Variants in MACC1 observed in about 807,000 individuals in gnomAD.
MACC1 encodes metastasis-associated in colon cancer protein 1.
A neutral mutation model predicts 70.7 loss-of-function variants in MACC1; 79 were observed. The observed-to-expected ratio is 1.12, with a 90% CI of 0.93 to 1.35. The LOEUF is 1.35. MACC1 is among the 40% of genes most tolerant of loss of function. MACC1 has a pLI of 0.00. For missense variants in MACC1, 1,106 were observed against 978.1 expected (o/e 1.13, Z -1.74); for synonymous variants, 361 against 347.2 (o/e 1.04, Z -0.44).
chr7:20,187,193 T>C (rs1241301839), intron 1 of MACC1, among the ~76,000 whole-genome samples: 5 of 152,204 alleles, frequency 3.3e-5, no homozygotes, highest in Non-Finnish European at 4.4e-5. Flanking sequence ...TATTTTCTAA[T>C]TTTTAATGAG....
intron 1 of MACC1, among the ~76,000 whole-genome samples, chr7:20,189,936 G>C (rs895003664): frequency 4.6e-5 from 7 of 152,092 alleles, no homozygotes; most frequent in African/African-American, 1.7e-4. Context: ...GAGGTTCTTG[G>C]TGAGGGCCCT....
chr7:20,206,237 G>T (rs1782909351), intron 1 of MACC1, among the ~76,000 whole-genome samples: 1 of 151,582 alleles, frequency 6.6e-6, no homozygotes, highest in Admixed American at 6.6e-5. Flanking sequence ...AAGTCATTCT[G>T]CCCATAGTGA....
chr7:20,188,436 T>C (rs1016888232), intron 1 of MACC1, among the ~76,000 whole-genome samples: 1 of 152,188 alleles, frequency 6.6e-6, no homozygotes, highest in African/African-American at 2.4e-5. Context: ...CTCTCTTGCA[T>C]CTCTCTAGCA....
At chr7:20,203,136 T>TA (rs904953372) in intron 1 of MACC1, among the ~76,000 whole-genome samples, 3 of 152,144 alleles carry the variant, frequency 2.0e-5, no homozygotes, top group Admixed American at 6.5e-5. Context: ...AGATTAAAAT[T>TA]AAAAAAAGTC....
At chr7:20,153,473 A>G (rs1048945370) in intron 6 of MACC1, 7 of 152,202 alleles carry the variant, frequency 4.6e-5, no homozygotes, top group Admixed American at 3.9e-4. Flanking sequence ...AATATTTTAC[A>G]TGTGCCCTTC....
intron 1 of MACC1, among the ~76,000 whole-genome samples, chr7:20,215,309 C>A (rs1312123159): frequency 6.6e-6 from 1 of 152,122 alleles, no homozygotes; most frequent in Non-Finnish European, 1.5e-5. Flanking sequence ...AAGGGCTGTG[C>A]ATGAGTTTCT....
intron 1 of MACC1, among the ~76,000 whole-genome samples, chr7:20,211,252 GCTC>G (rs1325424515): frequency 6.6e-6 from 1 of 151,910 alleles, no homozygotes; most frequent in African/African-American, 2.4e-5. Flanking sequence ...AGCATTATCT[GCTC>G]CTCCTCAAAA....
At position 20,167,505 on chromosome 7, in the gene MACC1, C is replaced by T. The variant is rs144619552; in HGVS notation, c.-152-3106G>A. ...GCCACTATGCCTGGCCTCCATTATC[C>T]TCATTTTAAAGGTAGGGAAATAAAG... On this transcript the variant is annotated intron_variant, in intron 2 of 6. Transcript: ENST00000400331. 2.6e-4 allele frequency among the ~76,000 whole-genome samples: 39 copies of T among 151,716 alleles called. 3 individuals are homozygous for T. Among genetic ancestry groups the T allele is most frequent in the African/African-American group, 8.7e-4 (36 of 41,338 alleles).
chr7:20,182,711 T>C (rs1782529329), intron 1 of MACC1, among the ~76,000 whole-genome samples: 1 of 152,096 alleles, frequency 6.6e-6, no homozygotes. Flanking sequence ...AAACACCCAA[T>C]ACCAACAACC....
chr7:20,202,134 G>A (rs1383001435), intron 1 of MACC1, among the ~76,000 whole-genome samples: 1 of 152,196 alleles, frequency 6.6e-6, no homozygotes, highest in Non-Finnish European at 1.5e-5. Flanking sequence ...CCAAGCCAGT[G>A]AATAGTTTCT....
intron 5 of MACC1, among the ~76,000 whole-genome samples, chr7:20,156,342 G>C (rs1302791786): frequency 6.6e-6 from 1 of 152,114 alleles, no homozygotes; most frequent in Non-Finnish European, 1.5e-5. Flanking sequence ...CTTGAATGGA[G>C]TCTCTACTAG....
intron 1 of MACC1, among the ~76,000 whole-genome samples, chr7:20,209,800 A>G (rs1355781943): frequency 6.6e-6 from 1 of 152,126 alleles, no homozygotes; most frequent in African/African-American, 2.4e-5. Context: ...TTGAATTGTG[A>G]TCTTCCTAAT....
intron 1 of MACC1, among the ~76,000 whole-genome samples, chr7:20,206,331 A>G (rs560788628): frequency 8.6e-5 from 13 of 152,038 alleles, no homozygotes; most frequent in Admixed American, 2.6e-4. Flanking sequence ...GCTCTAGGCA[A>G]GACTTCCAGT....
At chr7:20,144,694 G>C (rs1329604974) in intron 6 of MACC1, among the ~76,000 whole-genome samples, 3 of 152,056 alleles carry the variant, frequency 2.0e-5, no homozygotes, top group African/African-American at 7.2e-5. Context: ...GCAAAAGGGA[G>C]GGTATCTGAT....
chr7:20,183,405 A>G (rs1463774417), intron 1 of MACC1, among the ~76,000 whole-genome samples: 1 of 152,224 alleles, frequency 6.6e-6, no homozygotes. Flanking sequence ...GAGCCTCCAT[A>G]GGAGAATTCG....
At chr7:20,209,282 A>G (rs566229843) in intron 1 of MACC1, among the ~76,000 whole-genome samples, 50 of 152,356 alleles carry the variant, frequency 3.3e-4, no homozygotes, top group Non-Finnish European at 4.3e-4. Context: ...TGCCTGGAAA[A>G]GCCACAGACA....
intron 3 of MACC1, among the ~76,000 whole-genome samples, chr7:20,162,838 C>T (rs572551719): frequency 6.6e-6 from 1 of 152,116 alleles, no homozygotes; most frequent in African/African-American, 2.4e-5. Flanking sequence ...GGAAGATAGT[C>T]TAGAGATCGT....
At chr7:20,194,644 A>G (rs1285815562) in intron 1 of MACC1, among the ~76,000 whole-genome samples, 3 of 152,232 alleles carry the variant, frequency 2.0e-5, no homozygotes, top group Non-Finnish European at 4.4e-5. Flanking sequence ...ATTCATGCAA[A>G]ACATCATTTT....
chr7:20,155,688 C>T (rs549385953), intron 5 of MACC1, among the ~76,000 whole-genome samples: 23 of 152,280 alleles, frequency 1.5e-4, no homozygotes, highest in Admixed American at 1.3e-4. Flanking sequence ...AAGTTGATAG[C>T]ATGTTCATTC....
Sources: allele counts gnomAD v4.1 joint callset (sites outside exome capture counted in the v4.1 genomes callset), GRCh38; gene constraint gnomAD v4.1.1; transcripts MANE v1.5; gene names NCBI Gene and HGNC (gene_info 2026-07-23, HGNC 2026-07-21).